KDM2B: variants seen among roughly 807,000 people sequenced by gnomAD.
The protein encoded by KDM2B is lysine-specific demethylase 2B.
KDM2B carries 26 observed loss-of-function variants against 150.0 expected under a neutral mutation model. That is an observed-to-expected ratio of 0.17 (90% CI 0.13 to 0.24). KDM2B has a LOEUF of 0.24. KDM2B is among the 10% of genes least tolerant of loss of function. KDM2B has a pLI of 1.00. For missense variants in KDM2B, 1,265 were observed against 1,816.9 expected (o/e 0.70, Z 5.52); for synonymous variants, 734 against 729.5 (o/e 1.01, Z -0.10).
chr12:121,428,027 A>AT (rs1555284482), downstream of KDM2B, among the ~76,000 whole-genome samples: 1 of 152,224 alleles, frequency 6.6e-6, no homozygotes, highest in African/African-American at 2.4e-5. Context: ...AGGACACTGC[A>AT]TTTTAAACAA....
intron 12 of KDM2B, among the ~76,000 whole-genome samples, chr12:121,461,946 T>C (rs1879174613): frequency 6.6e-6 from 1 of 152,194 alleles, no homozygotes; most frequent in Admixed American, 6.5e-5. Context: ...GGCTGTGGCA[T>C]CACAAGAGCC....
At position 121,444,329 on chromosome 12, in the gene KDM2B, T is replaced by G. The variant is rs782108772; in HGVS notation, c.2191-57A>C. On this transcript the variant is annotated intron_variant, in intron 15 of 22. Coordinates refer to ENST00000377071, the MANE Select transcript of KDM2B (RefSeq NM_032590.5). Reference sequence around the variant, plus strand: ...CAACTGTATACCTTTGGACTTGCCCTTCCTCCTCCCCAGGCCGACGGCAAC... The same window carrying G: ...CAACTGTATACCTTTGGACTTGCCCGTCCTCCTCCCCAGGCCGACGGCAAC... 8.7e-6 allele frequency: 14 copies of G among 1,608,178 alleles called. No individual in the cohort carries two copies. The African/African-American group carries it at 1.6e-4, about 18-fold the overall frequency.
At chr12:121,555,918 G>T (rs1313506021) in intron 4 of KDM2B, among the ~76,000 whole-genome samples, 1 of 150,592 alleles carries the variant, frequency 6.6e-6, no homozygotes, top group South Asian at 2.1e-4. Context: ...TTTTTGTTTT[G>T]TTTTTTTTGT....
At chr12:121,492,079 T>C (rs868954710) in intron 12 of KDM2B, among the ~76,000 whole-genome samples, 1 of 150,300 alleles carries the variant, frequency 6.7e-6, no homozygotes, top group Non-Finnish European at 1.5e-5. Flanking sequence ...GATCGCTTGA[T>C]CCAGGGAGGC....
chr12:121,530,170 G>A (rs1426629413), intron 8 of KDM2B, among the ~76,000 whole-genome samples: 2 of 147,876 alleles, frequency 1.4e-5, no homozygotes, highest in Non-Finnish European at 3.0e-5. Context: ...GGAGCTTGCA[G>A]TGAGCCGAGA....
chr12:121,521,265 C>T lies in KDM2B; in HGVS notation c.932-165G>A, dbSNP rs1050949438. On this transcript the variant is annotated intron_variant, in intron 8 of 22. Transcript: ENST00000377071. The surrounding 1 kb of genome is among the most constrained non-coding windows in gnomAD (Gnocchi z 4.9). Reference sequence around the variant, plus strand: ...GCCCAGCAATGCCTGCTGCACAACGCCCAGGCCTGAGCCGCCGAGAGGACT... The same window carrying T: ...GCCCAGCAATGCCTGCTGCACAACGTCCAGGCCTGAGCCGCCGAGAGGACT... Among the ~76,000 whole-genome samples the T allele has an allele frequency of 6.6e-6, 1 of 152,198 alleles. No individual in the cohort carries two copies. Among genetic ancestry groups the T allele is most frequent in the Admixed American group, 6.5e-5 (1 of 15,288 alleles).
intron 1 of KDM2B, chr12:121,580,168 GC>G: frequency 6.8e-7 from 1 of 1,464,596 alleles, no homozygotes; most frequent in South Asian, 1.4e-5. Context: ...AATAAAGCAA[GC>G]CAGAGCCGAG....
At position 121,521,888 on chromosome 12, in the gene KDM2B, C is replaced by A. The variant is rs945296326; in HGVS notation, c.932-788G>T. 2.6e-5 allele frequency among the ~76,000 whole-genome samples: 4 copies of A among 152,050 alleles called. No homozygotes were observed. The South Asian group carries it at 6.2e-4, about 24-fold the overall frequency. On this transcript the variant is annotated intron_variant, in intron 8 of 22. Coordinates refer to ENST00000377071, the MANE Select transcript of KDM2B (RefSeq NM_032590.5). The surrounding 1 kb of genome is among the most constrained non-coding windows in gnomAD (Gnocchi z 4.9). ...CTTTGGGAGGCTGAGGCGGGAAGAT[C>A]GCTTGAGCTCAGCAGTTTGAGATCA...
At chr12:121,488,263 G>A (rs777456398) in intron 12 of KDM2B, among the ~76,000 whole-genome samples, 1 of 152,090 alleles carries the variant, frequency 6.6e-6, no homozygotes, top group Non-Finnish European at 1.5e-5. Flanking sequence ...AGCCCCTTCC[G>A]CTGCTCCCTG....
chr12:121,579,589 G>A, intron 1 of KDM2B: 1 of 1,297,546 alleles, frequency 7.7e-7, no homozygotes, highest in Non-Finnish European at 1.0e-6. Flanking sequence ...CACAAAGCTC[G>A]GATCGGAGAC....
chr12:121,434,121 A>G (rs1873536830), intron 22 of KDM2B, among the ~76,000 whole-genome samples: 1 of 152,162 alleles, frequency 6.6e-6, no homozygotes, highest in African/African-American at 2.4e-5. Flanking sequence ...TGGAGCCTGC[A>G]GTGAGCCATG....
chr12:121,534,350 A>C (rs77092244), intron 7 of KDM2B, 147 bp downstream of exon 7: 2 of 278,376 alleles, frequency 7.2e-6, no homozygotes, highest in Non-Finnish European at 1.2e-5. Flanking sequence ...CTCCATCTCA[A>C]AAAAAAAAAA....
chr12:121,557,553 T>C (rs1555312984), intron 4 of KDM2B, among the ~76,000 whole-genome samples: 1 of 151,964 alleles, frequency 6.6e-6, no homozygotes, highest in African/African-American at 2.4e-5. Flanking sequence ...ACAAAGGAAA[T>C]GTGGACACAG....
the KDM2B span, among the ~76,000 whole-genome samples, chr12:121,410,499 T>C: frequency 6.7e-6 from 1 of 150,122 alleles, no homozygotes. Flanking sequence ...ATTGCGCCAC[T>C]GCATTCCATC....
chr12:121,508,999 A>G (rs542328015), intron 11 of KDM2B, among the ~76,000 whole-genome samples: 1 of 152,156 alleles, frequency 6.6e-6, no homozygotes, highest in African/African-American at 2.4e-5. Flanking sequence ...CAGGTTTCCA[A>G]TAAGTGCTGA....
intron 12 of KDM2B, among the ~76,000 whole-genome samples, chr12:121,492,415 C>A (rs74360739): frequency 0.17 from 25,893 of 151,334 alleles, 3,362 homozygotes; most frequent in African/African-American, 0.37. Flanking sequence ...TCAAGCAATT[C>A]TCTTGCCTCA....
intron 12 of KDM2B, among the ~76,000 whole-genome samples, chr12:121,489,700 G>A (rs928845534): frequency 1.6e-4 from 25 of 151,968 alleles, no homozygotes; most frequent in African/African-American, 3.4e-4. Flanking sequence ...TCAGCCTCCC[G>A]AAGTGCTGGC....
In KDM2B at chr12:121,442,904, CCCCCTGCCACGGGACTGTG is replaced by C; in HGVS notation, c.2604+69_2605-69del. 3 of 1,564,720 alleles carry C rather than the reference CCCCCTGCCACGGGACTGTG, an allele frequency of 1.9e-6. No homozygotes were observed. Among genetic ancestry groups the C allele is most frequent in the Non-Finnish European group, 2.6e-6 (3 of 1,157,550 alleles). On this transcript the variant is annotated intron_variant, in intron 18 of 22. Coordinates refer to ENST00000377071, the MANE Select transcript of KDM2B (RefSeq NM_032590.5). This position sits in a 1 kb window ranked among gnomAD's most constrained non-coding sequence, Gnocchi z 7.7. ...GCTGCGCCCGCCCAAGGCCTCCCGC[CCCCCTGCCACGGGACTGTG>C]GCCCAGGGAGCTGCGGTGCAGCTCT...
At chr12:121,472,220 C>T (rs565028570) in intron 12 of KDM2B, among the ~76,000 whole-genome samples, 111 of 152,336 alleles carry the variant, frequency 7.3e-4, no homozygotes, top group African/African-American at 2.5e-3. Context: ...AGTTATTTTA[C>T]TATTATTTTA....
Sources: gnomAD v4.1 joint callset for allele counts (sites outside exome capture counted in the v4.1 genomes callset) on GRCh38, gnomAD v4.1.1 for gene constraint, Gnocchi (gnomAD v3.1) non-coding constraint, MANE v1.5 for transcripts, NCBI Gene and HGNC (gene_info 2026-07-23, HGNC 2026-07-21) for gene names.